RBFOX1: variants seen among roughly 807,000 people sequenced by gnomAD.
RBFOX1 encodes the protein RNA binding fox-1 homolog 1, also known as RNA binding protein fox-1 homolog 1.
RBFOX1 carries 8 observed loss-of-function variants against 57.7 expected under a neutral mutation model. The ratio of observed to expected loss-of-function variants is 0.14; its 90% CI spans 0.08 to 0.25. The LOEUF (loss-of-function observed/expected upper bound fraction) is 0.25. RBFOX1 is among the 10% of genes least tolerant of loss of function. The pLI is 1.00. For synonymous variants in RBFOX1, 326 were observed against 222.4 expected, an observed-to-expected ratio of 1.47 and a Z score of -4.15; for missense variants, 611 against 548.5, an observed-to-expected ratio of 1.11 and a Z score of -1.14.
chr16:5,830,059 C>T (rs1241480324), intron 3 of RBFOX1, among the ~76,000 whole-genome samples: 1 of 152,188 alleles, frequency 6.6e-6, no homozygotes, highest in Non-Finnish European at 1.5e-5. Context: ...GTTTTTAAAA[C>T]ACCACACTGC....
chr16:6,357,692 T>C (rs2087621740), intron 2 of RBFOX1, among the ~76,000 whole-genome samples: 1 of 152,088 alleles, frequency 6.6e-6, no homozygotes, highest in African/African-American at 2.4e-5. Context: ...CTCATGCCTG[T>C]AATCCCAGCA....
At chr16:5,797,656 T>C (rs1445808865) in intron 3 of RBFOX1, among the ~76,000 whole-genome samples, 1 of 152,246 alleles carries the variant, frequency 6.6e-6, no homozygotes, top group East Asian at 1.9e-4. Context: ...TTGGCCCATC[T>C]TCAAATATTT....
intron 3 of RBFOX1, among the ~76,000 whole-genome samples, chr16:7,032,452 CAAAT>C (rs1006720376): frequency 9.9e-5 from 15 of 151,594 alleles, no homozygotes; most frequent in East Asian, 3.9e-4. Flanking sequence ...AAAAAACAAA[CAAAT>C]AAATAAATAA....
intron 5 of RBFOX1, among the ~76,000 whole-genome samples, chr16:7,543,336 G>C (rs1300402227): frequency 6.6e-6 from 1 of 152,206 alleles, no homozygotes; most frequent in East Asian, 1.9e-4. Context: ...GTCAGATTCT[G>C]GGAGATATTT....
At chr16:5,879,382 T>C (rs2057703972) in intron 4 of RBFOX1, among the ~76,000 whole-genome samples, 1 of 152,196 alleles carries the variant, frequency 6.6e-6, no homozygotes, top group Non-Finnish European at 1.5e-5. Context: ...AGAAAAGTGC[T>C]GAATTCTAGG....
intron 1 of RBFOX1, among the ~76,000 whole-genome samples, chr16:5,435,269 G>T (rs2067881251): frequency 6.6e-6 from 1 of 152,214 alleles, no homozygotes; most frequent in Non-Finnish European, 1.5e-5. Context: ...TGTGCAAACA[G>T]CTGGTGTGGG....
At chr16:5,972,221 C>T (rs1479961396) in intron 4 of RBFOX1, among the ~76,000 whole-genome samples, 2 of 152,276 alleles carry the variant, frequency 1.3e-5, no homozygotes, top group South Asian at 4.1e-4. Flanking sequence ...ACACACCCTC[C>T]CTCCCTCCCT....
At chr16:7,707,054 G>A (rs1196726558) in intron 14 of RBFOX1, among the ~76,000 whole-genome samples, 1 of 152,224 alleles carries the variant, frequency 6.6e-6, no homozygotes, top group Admixed American at 6.5e-5. Flanking sequence ...GGAGATGACT[G>A]TCAGTTTCAC....
intron 1 of RBFOX1, among the ~76,000 whole-genome samples, chr16:6,168,758 A>G (rs556456969): frequency 6.6e-6 from 1 of 151,906 alleles, no homozygotes; most frequent in Admixed American, 6.6e-5. Context: ...GTTTAACTCT[A>G]AGAGTTCTAT....
chr16:6,502,194 A>C (rs984852861), intron 2 of RBFOX1, among the ~76,000 whole-genome samples: 4 of 152,136 alleles, frequency 2.6e-5, no homozygotes, highest in Non-Finnish European at 5.9e-5. Context: ...TGCTTCTGTT[A>C]TATCTTTCTC....
intron 4 of RBFOX1, among the ~76,000 whole-genome samples, chr16:7,094,769 T>TGTGTGTGTGTGTGTGTGG: frequency 7.2e-6 from 1 of 138,998 alleles, no homozygotes; most frequent in African/African-American, 2.6e-5. Context: ...TGTGTGTGTG[T>TGTGTGTGTGTGTGTGTGG]GTGTGTGGGT....
chr16:6,928,439 C>T (rs1005125618), intron 3 of RBFOX1, among the ~76,000 whole-genome samples: 19 of 152,134 alleles, frequency 1.2e-4, no homozygotes, highest in African/African-American at 4.3e-4. Flanking sequence ...AGCTGGCAGC[C>T]AAGAGCTCAG....
rs75098263 is a variant in RBFOX1, at chr16:6,262,596, T to C, written c.-126-54399T>C. ...TGGATTGCAACATCTTTCCCAACAATTGATTGCTCACTTTTATTTTCCCAC... is the reference window on the plus strand; with the variant it reads ...TGGATTGCAACATCTTTCCCAACAACTGATTGCTCACTTTTATTTTCCCAC... On this transcript the variant is annotated intron_variant, in intron 1 of 15. Coordinates refer to ENST00000550418, the MANE Select transcript of RBFOX1 (RefSeq NM_018723.4). Among the ~76,000 whole-genome samples, 1,461 of 152,314 alleles carry C rather than the reference T, an allele frequency of 9.6e-3. 25 individuals carry two copies. The highest frequency in any genetic ancestry group is 0.033 in the African/African-American group (1,382 of 41,562).
intron 3 of RBFOX1, among the ~76,000 whole-genome samples, chr16:6,693,647 A>G (rs1192890998): frequency 6.7e-6 from 1 of 148,862 alleles, no homozygotes; most frequent in Admixed American, 6.7e-5. Flanking sequence ...CATCACCACC[A>G]CAATCATCAT....
At chr16:6,022,888 T>C (rs1432618374) in intron 1 of RBFOX1, among the ~76,000 whole-genome samples, 1 of 152,210 alleles carries the variant, frequency 6.6e-6, no homozygotes, top group African/African-American at 2.4e-5. Flanking sequence ...GGCTGTACCC[T>C]GTGAAAAGAT....
chr16:6,492,005 A>T (rs997007891), intron 2 of RBFOX1, among the ~76,000 whole-genome samples: 1 of 152,178 alleles, frequency 6.6e-6, no homozygotes, highest in Non-Finnish European at 1.5e-5. Flanking sequence ...GGATGGGTAG[A>T]TGAATGGATA....
intron 3 of RBFOX1, among the ~76,000 whole-genome samples, chr16:5,681,940 C>G (rs987876776): frequency 6.6e-6 from 1 of 152,026 alleles, no homozygotes. Flanking sequence ...TGTAAGCAGT[C>G]TGACTATTTT....
chr16:7,650,006 G>GAGGGAAGGACAGGAAGC (rs977355755), intron 11 of RBFOX1, among the ~76,000 whole-genome samples: 2 of 149,272 alleles, frequency 1.3e-5, no homozygotes, highest in Non-Finnish European at 2.9e-5. Context: ...GGAAAAGGAG[G>GAGGGAAGGACAGGAAGC]AGGGAAGACA....
chr16:7,688,363 A>G (rs1176899593), intron 14 of RBFOX1, among the ~76,000 whole-genome samples: 1 of 152,002 alleles, frequency 6.6e-6, no homozygotes, highest in Non-Finnish European at 1.5e-5. Context: ...AACAATAGCA[A>G]TGTAACAGAA....
Sources: allele counts gnomAD v4.1 joint callset (sites outside exome capture counted in the v4.1 genomes callset), GRCh38; gene constraint gnomAD v4.1.1; transcripts MANE v1.5; gene names NCBI Gene and HGNC (gene_info 2026-07-23, HGNC 2026-07-21).